Variants in GPC5 observed in about 807,000 individuals in gnomAD.
GPC5 encodes glypican-5.
GPC5 carries 47 observed loss-of-function variants against 53.9 expected under a neutral mutation model. The ratio of observed to expected loss-of-function variants is 0.87; its 90% CI spans 0.69 to 1.11. The LOEUF (loss-of-function observed/expected upper bound fraction) is 1.11, where lower values mean the gene tolerates loss of function less well. Ranked by LOEUF, GPC5 falls within the 50% of genes most tolerant of loss-of-function variation. GPC5 has a pLI of 0.00. For synonymous variants in GPC5, 286 were observed against 263.3 expected (o/e 1.09, Z -0.84); for missense variants, 748 against 713.1 (o/e 1.05, Z -0.56).
intron 7 of GPC5, among the ~76,000 whole-genome samples, chr13:92,590,043 A>G (rs1883665594): frequency 6.6e-6 from 1 of 152,152 alleles, no homozygotes; most frequent in Non-Finnish European, 1.5e-5. Flanking sequence ...GTAGTGATGC[A>G]GTGTTTATAG....
chr13:92,547,890 C>T (rs1174666307), intron 7 of GPC5, among the ~76,000 whole-genome samples: 1 of 129,790 alleles, frequency 7.7e-6, no homozygotes, highest in Non-Finnish European at 1.5e-5. Context: ...AGTGCAGTGG[C>T]GCGATCTCGG....
At chr13:91,455,053 A>G (rs1471785570) in intron 2 of GPC5, among the ~76,000 whole-genome samples, 1 of 152,076 alleles carries the variant, frequency 6.6e-6, no homozygotes, top group Admixed American at 6.6e-5. Flanking sequence ...CATCCCTTTT[A>G]TCCATTTAAT....
chr13:92,673,676 T>C (rs1207543083), intron 7 of GPC5, among the ~76,000 whole-genome samples: 1 of 152,234 alleles, frequency 6.6e-6, no homozygotes, highest in African/African-American at 2.4e-5. Context: ...AGTGACAGCT[T>C]GAAAATCTAT....
At chr13:92,693,807 A>C (rs763420002) in intron 7 of GPC5, among the ~76,000 whole-genome samples, 2 of 152,234 alleles carry the variant, frequency 1.3e-5, no homozygotes. Context: ...ACAAATTTGC[A>C]TAAGTAAATG....
intron 7 of GPC5, among the ~76,000 whole-genome samples, chr13:92,332,377 T>C (rs1484088699): frequency 6.6e-6 from 1 of 152,176 alleles, no homozygotes; most frequent in African/African-American, 2.4e-5. Context: ...CAGTGAGGAA[T>C]AAAGATAATT....
chr13:91,966,715 C>A lies in GPC5; in HGVS notation c.1401+58658C>A, dbSNP rs538556366. Reference sequence around the variant, plus strand: ...ATATTTGAAGTTGATGAAATGCATTCATGCATTGATCATGAGCTGAACTAT... The same window carrying A: ...ATATTTGAAGTTGATGAAATGCATTAATGCATTGATCATGAGCTGAACTAT... On this transcript the variant is annotated intron_variant, in intron 6 of 7. Coordinates refer to ENST00000377067, the MANE Select transcript of GPC5 (RefSeq NM_004466.6). 1.6e-4 allele frequency among the ~76,000 whole-genome samples: 25 copies of A among 152,270 alleles called. No homozygotes were observed. In the South Asian group the frequency reaches 4.3e-3, roughly 26 times the overall value.
chr13:91,532,411 CAAAA>C (rs1184791166), intron 2 of GPC5, among the ~76,000 whole-genome samples: 3 of 151,878 alleles, frequency 2.0e-5, no homozygotes, highest in Non-Finnish European at 4.4e-5. Context: ...GGCTTTTTGT[CAAAA>C]AAAGTTTCTG....
At chr13:92,478,731 A>G (rs1187288628) in intron 7 of GPC5, among the ~76,000 whole-genome samples, 1 of 152,204 alleles carries the variant, frequency 6.6e-6, no homozygotes, top group Non-Finnish European at 1.5e-5. Flanking sequence ...GATACTCAGC[A>G]TGGGACATAA....
At chr13:91,664,125 G>T (rs905945591) in intron 2 of GPC5, among the ~76,000 whole-genome samples, 1 of 152,208 alleles carries the variant, frequency 6.6e-6, no homozygotes, top group African/African-American at 2.4e-5. Flanking sequence ...GAGATGACTT[G>T]CAGCAATAAT....
intron 7 of GPC5, among the ~76,000 whole-genome samples, chr13:92,694,461 A>G (rs1274493512): frequency 6.6e-6 from 1 of 152,196 alleles, no homozygotes; most frequent in African/African-American, 2.4e-5. Context: ...TAGTGTTTGC[A>G]TTAGCATCCC....
At chr13:91,945,011 T>C (rs2039961573) in intron 6 of GPC5, among the ~76,000 whole-genome samples, 1 of 152,214 alleles carries the variant, frequency 6.6e-6, no homozygotes, top group Non-Finnish European at 1.5e-5. Flanking sequence ...CTTTAAAGTC[T>C]TAGTCCCACA....
intron 7 of GPC5, among the ~76,000 whole-genome samples, chr13:92,513,091 C>T (rs1411775990): frequency 3.3e-5 from 5 of 152,254 alleles, no homozygotes; most frequent in South Asian, 2.1e-4. Flanking sequence ...GAAAGGTCAC[C>T]GGCGGAAGGC....
chr13:92,300,611 G>A (rs1006565385), intron 7 of GPC5, among the ~76,000 whole-genome samples: 2 of 152,172 alleles, frequency 1.3e-5, no homozygotes, highest in Non-Finnish European at 2.9e-5. Context: ...GTGAGAATTA[G>A]ATAAATAGAA....
Position 92,614,932 on chromosome 13 carries a change from A to G in GPC5, c.1562-251350A>G, listed in dbSNP as rs553080758. ...TGTTAACTCTCCAGAAGGGAAACAT[A>G]TTGATGTAAGCAGCTGAAACTTTTG... is the stretch of plus-strand genomic sequence containing the variant. On this transcript the variant is annotated intron_variant, in intron 7 of 7. Coordinates refer to ENST00000377067, the MANE Select transcript of GPC5 (RefSeq NM_004466.6). Among the ~76,000 whole-genome samples the G allele has an allele frequency of 4.6e-4, 70 of 152,358 alleles. No individual in the cohort carries two copies. The South Asian group carries it at 0.014, about 32-fold the overall frequency.
intron 3 of GPC5, among the ~76,000 whole-genome samples, chr13:91,709,979 A>G (rs941294785): frequency 6.6e-6 from 1 of 152,132 alleles, no homozygotes; most frequent in Admixed American, 6.5e-5. Flanking sequence ...TCACATATCA[A>G]TCTCATTCCA....
intron 7 of GPC5, among the ~76,000 whole-genome samples, chr13:92,557,293 T>C (rs747584699): frequency 1.3e-4 from 19 of 151,962 alleles, no homozygotes; most frequent in Non-Finnish European, 2.4e-4. Context: ...TCTTACCATG[T>C]TGATGTGGTT....
At chr13:92,663,868 A>G in intron 7 of GPC5, among the ~76,000 whole-genome samples, 1 of 7,418 alleles carries the variant, frequency 1.3e-4, no homozygotes, top group Middle Eastern at 0.05. Flanking sequence ...ATATATATAT[A>G]TATATATATA....
chr13:92,607,321 A>G (rs888066799), intron 7 of GPC5, among the ~76,000 whole-genome samples: 20 of 152,196 alleles, frequency 1.3e-4, no homozygotes, highest in Non-Finnish European at 2.8e-4. Context: ...GAAGAGCAAC[A>G]TATTCAGGCT....
chr13:91,948,031 A>G (rs540451801), intron 6 of GPC5, among the ~76,000 whole-genome samples: 6 of 152,056 alleles, frequency 3.9e-5, no homozygotes, highest in Non-Finnish European at 7.4e-5. Context: ...TCACGTGACC[A>G]TCCTGGCTAA....
Sources: gnomAD v4.1 joint callset for allele counts (sites outside exome capture counted in the v4.1 genomes callset) on GRCh38, gnomAD v4.1.1 for gene constraint, MANE v1.5 for transcripts, NCBI Gene and HGNC (gene_info 2026-07-23, HGNC 2026-07-21) for gene names.